The following DOP1B variants were observed in gnomAD, a reference collection of about 807,000 sequenced individuals.
DOP1B encodes protein DOP1B.
A neutral mutation model predicts 233.5 loss-of-function variants in DOP1B; 174 were observed. That is an observed-to-expected ratio of 0.75 (90% CI 0.66 to 0.85). The LOEUF (loss-of-function observed/expected upper bound fraction) is 0.85, where lower values mean the gene tolerates loss of function less well. Ranked by LOEUF, DOP1B falls within the 40% of genes least tolerant of loss-of-function variation. The pLI is 0.00. For missense variants in DOP1B, 2,652 were observed against 2,846.6 expected (o/e 0.93, Z 1.56); for synonymous variants, 1,190 against 1,185.6 (o/e 1.00, Z -0.08).
chr21:36,244,520 G>A (rs753632156), intron 18 of DOP1B, among the ~76,000 whole-genome samples: 5 of 152,192 alleles, frequency 3.3e-5, no homozygotes, highest in African/African-American at 9.6e-5. Context: ...TGCCTCCTGG[G>A]TTCAAATGAT....
In DOP1B at chr21:36,239,696, G is replaced by A. The variant is rs968932432; in HGVS notation, c.2877-69G>A. The stretch of plus-strand genomic sequence containing the variant: ...TGTGTTGGGTGACGCCCTATGCCCA[G>A]TGTCTGCCACGGTGCCTGGCGCACA... On this transcript the variant is annotated intron_variant, in intron 17 of 36. Transcript: ENST00000691173. 7 of 1,463,992 alleles carry A rather than the reference G, an allele frequency of 4.8e-6. No individual in the cohort carries two copies. The Admixed American group carries it at 1.2e-4, about 25-fold the overall frequency. The allele number at this position is 1,463,992 out of a possible 1,614,324, so 90.7% of individuals were successfully genotyped here.
chr21:36,173,598 T>C (rs1050230695), intron 2 of DOP1B, among the ~76,000 whole-genome samples: 5 of 152,014 alleles, frequency 3.3e-5, no homozygotes, highest in Admixed American at 1.3e-4. Flanking sequence ...ATTTTTTTTG[T>C]ATTTTTAGTA....
At chr21:36,258,334 G>C (rs2067131348) in intron 23 of DOP1B, among the ~76,000 whole-genome samples, 2 of 152,152 alleles carry the variant, frequency 1.3e-5, no homozygotes, top group Admixed American at 6.5e-5. Context: ...TTGAGCCAGG[G>C]AAGTTGAAGC....
chr21:36,242,850 T>C (rs1197709857), intron 18 of DOP1B, among the ~76,000 whole-genome samples: 2 of 152,244 alleles, frequency 1.3e-5, no homozygotes, highest in Admixed American at 1.3e-4. Flanking sequence ...CAATTTCTGA[T>C]GTCTGATTCT....
intron 30 of DOP1B, among the ~76,000 whole-genome samples, chr21:36,279,014 G>A (rs1444550234): frequency 2.6e-5 from 4 of 151,978 alleles, no homozygotes; most frequent in South Asian, 2.1e-4. Context: ...CCCACTTCTC[G>A]GCTGATACTC....
At chr21:36,169,250 T>A in intron 2 of DOP1B, 1 of 890,096 alleles carries the variant, frequency 1.1e-6, no homozygotes, top group Non-Finnish European at 1.9e-6. Context: ...GATGCTCTTG[T>A]CAGACAGGTC....
chr21:36,286,544 G>A (rs1287304353), intron 32 of DOP1B, among the ~76,000 whole-genome samples: 1 of 151,920 alleles, frequency 6.6e-6, no homozygotes, highest in African/African-American at 2.4e-5. Flanking sequence ...GCTGAGGCAT[G>A]AGAATCATTT....
At chr21:36,288,195 T>A in intron 33 of DOP1B, 45 bp downstream of exon 33, 1 of 1,564,914 alleles carries the variant, frequency 6.4e-7, no homozygotes, top group Non-Finnish European at 8.7e-7. Context: ...TGGAGCTTTT[T>A]AAAATGCTTT....
chr21:36,245,088 CAG>C lies in DOP1B; in HGVS notation c.3113_3114del (p.Glu1038GlyfsTer13). 1 of 1,602,804 alleles carries C rather than the reference CAG, an allele frequency of 6.2e-7. No individual in the cohort carries two copies. Among genetic ancestry groups the C allele is most frequent in the Non-Finnish European group, 8.5e-7 (1 of 1,170,906 alleles). ...RWFNRKKTSFREACAVPEPQE... is the reference protein window; with the variant it reads ...RWFNRKKTSFXEACAVPEPQE... ...GGTTTAACAGGAAGAAAACCTCTTT[CAG>C]AGAGGCATGCGCAGTGCCCGAGCCT... On this transcript the variant is annotated frameshift_variant, in exon 19 of 37. Coordinates refer to ENST00000691173, the MANE Select transcript of DOP1B (RefSeq NM_001320714.2). LOFTEE classifies it high-confidence loss of function. This position sits in a 1 kb window ranked among gnomAD's most constrained non-coding sequence, Gnocchi z 5.5.
intron 2 of DOP1B, among the ~76,000 whole-genome samples, chr21:36,198,328 C>G (rs1489755602): frequency 6.6e-6 from 1 of 151,516 alleles, no homozygotes; most frequent in East Asian, 1.9e-4. Flanking sequence ...ACTTGGGAGG[C>G]TGAGGCAGGA....
intron 2 of DOP1B, among the ~76,000 whole-genome samples, chr21:36,192,051 A>G (rs1485886489): frequency 2.0e-5 from 3 of 151,846 alleles, no homozygotes; most frequent in African/African-American, 4.8e-5. Context: ...GCTAGTCTCA[A>G]ACTCCTTAGG....
At chr21:36,260,566 A>T in intron 23 of DOP1B, 111 bp from the exon 24 acceptor site, 1 of 1,411,372 alleles carries the variant, frequency 7.1e-7, no homozygotes. Context: ...AAGATTCTTT[A>T]GTCAAAAACC....
rs138227303 is a variant in DOP1B at position 36,278,045 on chromosome 21, G to A, written c.5783G>A (p.Arg1928His). Residue 1928 changes from arginine to histidine, a missense_variant, in exon 29 of 37, where the codon CGT becomes CAT. Physicochemically the swap from Arg to His is conservative, Grantham distance 29. Transcript: ENST00000691173. ...EKEKAVPLISRLLYYVFPYLR... is the reference protein window; with the variant it reads ...EKEKAVPLISHLLYYVFPYLR... ...GAGAAAGCTGTGCCGTTAATCTCCCGTCTGCTTTACTATGTTTTTCCATAC... is the reference window on the plus strand; with the variant it reads ...GAGAAAGCTGTGCCGTTAATCTCCCATCTGCTTTACTATGTTTTTCCATAC... 3.9e-5 allele frequency: 63 copies of A among 1,614,102 alleles called. No homozygotes were observed. The African/African-American group carries it at 5.2e-4, about 13-fold the overall frequency.
In DOP1B at chr21:36,248,505, G is replaced by T. The variant is rs188595573; in HGVS notation, c.4935G>T (p.Lys1645Asn). 9.2e-5 allele frequency: 148 copies of T among 1,614,184 alleles called. 1 individual carries two copies. The Admixed American group carries it at 2.4e-3, about 26-fold the overall frequency. The change falls in exon 21 of 37, where the codon AAG becomes AAT. Residue 1645 changes from lysine to asparagine, a missense_variant. Transcript: ENST00000691173. The stretch of plus-strand genomic sequence containing the variant: ...TTCTCAGAAAGGAGGAGACTCAAAA[G>T]AGACCTGTCGATCTCCTAGGGGCCA... Reference protein sequence around the residue: ...WNVLRKEETQKRPVDLLGATK... With the variant: ...WNVLRKEETQNRPVDLLGATK...
chr21:36,186,627 C>A (rs1451091700), intron 2 of DOP1B, among the ~76,000 whole-genome samples: 1 of 152,280 alleles, frequency 6.6e-6, no homozygotes, highest in East Asian at 1.9e-4. Flanking sequence ...ACCTACAGCA[C>A]TTCCTCAGCC....
intron 2 of DOP1B, among the ~76,000 whole-genome samples, chr21:36,194,390 A>C (rs1419039026): frequency 6.6e-6 from 1 of 151,306 alleles, no homozygotes; most frequent in Non-Finnish European, 1.5e-5. Context: ...TGTTATATTA[A>C]TTTTATTTTT....
intron 26 of DOP1B, among the ~76,000 whole-genome samples, chr21:36,264,292 A>G (rs2067208809): frequency 6.6e-6 from 1 of 152,022 alleles, no homozygotes; most frequent in South Asian, 2.1e-4. Flanking sequence ...TGATAGCTAC[A>G]CCTATAGTCC....
chr21:36,217,235 C>T (rs903087590), intron 9 of DOP1B, among the ~76,000 whole-genome samples: 11 of 152,150 alleles, frequency 7.2e-5, no homozygotes, highest in South Asian at 2.1e-4. Context: ...AGCAGCTTCT[C>T]ATGAAGTTAG....
chr21:36,207,555 C>T (rs1459875567), intron 4 of DOP1B, among the ~76,000 whole-genome samples: 19 of 146,576 alleles, frequency 1.3e-4, no homozygotes, highest in Admixed American at 2.8e-4. Context: ...AACATCTCCA[C>T]GAGGTCGAGG....
Sources: allele counts gnomAD v4.1 joint callset (sites outside exome capture counted in the v4.1 genomes callset), GRCh38; gene constraint gnomAD v4.1.1; non-coding constraint Gnocchi (gnomAD v3.1); transcripts MANE v1.5; gene names NCBI Gene and HGNC (gene_info 2026-07-23, HGNC 2026-07-21).